Variants in RBPMS observed in about 807,000 individuals in gnomAD.
RBPMS encodes the protein RNA binding protein, mRNA processing factor, also known as RNA-binding protein with multiple splicing.
RBPMS carries 7 observed loss-of-function variants against 26.8 expected under a neutral mutation model. The observed-to-expected ratio is 0.26, with a 90% CI of 0.15 to 0.49. The LOEUF is 0.49. Ranked by LOEUF, RBPMS falls within the 20% of genes least tolerant of loss-of-function variation. RBPMS has a pLI of 0.98. For synonymous variants in RBPMS, 96 were observed against 93.3 expected (o/e 1.03, Z -0.17); for missense variants, 186 against 250.0 (o/e 0.74, Z 1.73).
intron 8 of RBPMS, among the ~76,000 whole-genome samples, chr8:30,567,846 G>A (rs1027297729): frequency 1.3e-5 from 2 of 152,202 alleles, no homozygotes; most frequent in Non-Finnish European, 2.9e-5. Context: ...GAGCAGTGGC[G>A]TTCTCAGCAC....
At chr8:30,551,405 A>G (rs1826366500) in intron 6 of RBPMS, among the ~76,000 whole-genome samples, 1 of 152,188 alleles carries the variant, frequency 6.6e-6, no homozygotes, top group Admixed American at 6.5e-5. Context: ...ACTCACCCCA[A>G]GGAGACTTCC....
chr8:30,474,874 T>C lies in RBPMS; in HGVS notation c.144+18T>C. 6.6e-7 allele frequency: 1 copy of C among 1,514,650 alleles called. No homozygotes were observed. Among genetic ancestry groups the C allele is most frequent in the South Asian group, 1.1e-5 (1 of 87,704 alleles). 93.8% of individuals were successfully genotyped at this position (1,514,650 alleles called of 1,614,324 possible). A position where few individuals can be genotyped will look rare whatever the true frequency, so the allele number is the denominator to read the frequency against. ...CATTTAAGGTACCTTTTTTTATCTT[T>C]CAGAAATTATAAAATGAGACAAAAG... On this transcript the variant is annotated intron_variant, in intron 2 of 8. Transcript: ENST00000397323.
chr8:30,491,770 T>C (rs557142206), intron 4 of RBPMS, among the ~76,000 whole-genome samples: 1 of 152,304 alleles, frequency 6.6e-6, no homozygotes, highest in Non-Finnish European at 1.5e-5. Flanking sequence ...AGATAGGTCC[T>C]CAAATGACCT....
chr8:30,558,056 G>GTC (rs1333229527), intron 6 of RBPMS: 3 of 152,150 alleles, frequency 2.0e-5, no homozygotes, highest in African/African-American at 7.2e-5. Flanking sequence ...TAGAGATGAG[G>GTC]TCTCTCCATG....
intron 1 of RBPMS, among the ~76,000 whole-genome samples, chr8:30,412,559 A>G (rs185898813): frequency 6.6e-6 from 1 of 152,272 alleles, no homozygotes; most frequent in Non-Finnish European, 1.5e-5. Context: ...CTCAAAACCA[A>G]TTATAGTAAA....
At chr8:30,408,416 C>G (rs1328622025) in intron 1 of RBPMS, among the ~76,000 whole-genome samples, 2 of 152,190 alleles carry the variant, frequency 1.3e-5, no homozygotes, top group East Asian at 1.9e-4. Context: ...GTAATCCCAG[C>G]TACTTGGAAG....
intron 1 of RBPMS, among the ~76,000 whole-genome samples, chr8:30,439,205 A>G (rs763464859): frequency 6.6e-6 from 1 of 152,232 alleles, no homozygotes; most frequent in Non-Finnish European, 1.5e-5. Context: ...TACTATGCTC[A>G]GGAAATAATG....
intron 7 of RBPMS, chr8:30,563,942 G>GT (rs1333588898): frequency 1.3e-5 from 2 of 152,298 alleles, no homozygotes; most frequent in Non-Finnish European, 2.9e-5. Context: ...TACTAACGCC[G>GT]TAACTGTCCG....
intron 7 of RBPMS, among the ~76,000 whole-genome samples, chr8:30,559,518 T>C (rs1827266810): frequency 6.6e-6 from 1 of 152,276 alleles, no homozygotes; most frequent in Non-Finnish European, 1.5e-5. Flanking sequence ...TGTGCCATTT[T>C]AGGCCTAACG....
intron 5 of RBPMS, among the ~76,000 whole-genome samples, chr8:30,529,775 T>G (rs1365367813): frequency 6.7e-6 from 1 of 150,016 alleles, no homozygotes; most frequent in African/African-American, 2.5e-5. Context: ...TTTGGTGAGA[T>G]GGAGATTTAC....
chr8:30,524,478 C>T (rs574600040), intron 5 of RBPMS, among the ~76,000 whole-genome samples: 2 of 152,156 alleles, frequency 1.3e-5, no homozygotes, highest in South Asian at 2.1e-4. Flanking sequence ...CAGTACAATA[C>T]TCAGGTCTAT....
intron 6 of RBPMS, among the ~76,000 whole-genome samples, chr8:30,552,168 C>T (rs1012553113): frequency 2.0e-5 from 3 of 152,134 alleles, no homozygotes; most frequent in Middle Eastern, 3.4e-3. Context: ...TGGCGTATAC[C>T]GAGAGGAGGC....
intron 1 of RBPMS, among the ~76,000 whole-genome samples, chr8:30,408,331 C>G (rs1281136340): frequency 2.6e-5 from 4 of 152,152 alleles, no homozygotes; most frequent in African/African-American, 9.7e-5. Context: ...GAGTTTGAGA[C>G]CAGCCTGGCC....
intron 6 of RBPMS, among the ~76,000 whole-genome samples, chr8:30,550,265 T>C (rs1339008422): frequency 6.6e-6 from 1 of 152,190 alleles, no homozygotes; most frequent in African/African-American, 2.4e-5. Flanking sequence ...AGACAGGCTC[T>C]GGAACTCCCT....
In RBPMS at chr8:30,518,687, C is replaced by CTTTTTTTTTTTTTTTTTTTTTTTTTTTT. The variant is rs58763494; in HGVS notation, c.397+14252_397+14279dup. Among the ~76,000 whole-genome samples the CTTTTTTTTTTTTTTTTTTTTTTTTTTTT allele has an allele frequency of 1.1e-4, 2 of 18,244 alleles. 1 individual carries two copies. Among genetic ancestry groups the CTTTTTTTTTTTTTTTTTTTTTTTTTTTT allele is most frequent in the African/African-American group, 3.9e-4 (2 of 5,184 alleles). 12.0% of individuals were successfully genotyped at this position (18,244 alleles called of 152,430 possible). On this transcript the variant is annotated intron_variant, in intron 5 of 8. Coordinates refer to ENST00000397323, the MANE Select transcript of RBPMS (RefSeq NM_001008710.3). ...CAGTGATCCGCCCGGCCAAGCATGA[C>CTTTTTTTTTTTTTTTTTTTTTTTTTTTT]TTTTTTTTTTTTTTTTTTTTTTTTT...
intron 4 of RBPMS, among the ~76,000 whole-genome samples, chr8:30,498,861 A>G (rs1820256806): frequency 6.6e-6 from 1 of 151,988 alleles, no homozygotes; most frequent in South Asian, 2.1e-4. Context: ...ACATCTAAAT[A>G]TATTTTAAAT....
At chr8:30,391,916 T>A (rs1034622795) in intron 1 of RBPMS, among the ~76,000 whole-genome samples, 1 of 151,998 alleles carries the variant, frequency 6.6e-6, no homozygotes, top group Non-Finnish European at 1.5e-5. Context: ...ATCTCCTAAC[T>A]TTTATTGAGT....
At chr8:30,418,467 T>G (rs993103070) in intron 1 of RBPMS, among the ~76,000 whole-genome samples, 2 of 152,192 alleles carry the variant, frequency 1.3e-5, no homozygotes, top group Admixed American at 6.5e-5. Flanking sequence ...TAAAGAAGTG[T>G]ATCATTTTCA....
chr8:30,476,787 T>C (rs1817746567), intron 2 of RBPMS, among the ~76,000 whole-genome samples: 1 of 152,182 alleles, frequency 6.6e-6, no homozygotes, highest in Non-Finnish European at 1.5e-5. Flanking sequence ...AGCTATTGAT[T>C]ATTTTCAGAA....
Sources: gnomAD v4.1 joint callset for allele counts (sites outside exome capture counted in the v4.1 genomes callset) on GRCh38, gnomAD v4.1.1 for gene constraint, MANE v1.5 for transcripts, NCBI Gene and HGNC (gene_info 2026-07-23, HGNC 2026-07-21) for gene names.